Variants in STX7 observed in about 807,000 individuals in gnomAD.
STX7 encodes syntaxin-7.
In STX7, 34 loss-of-function variants were observed where a neutral mutation model predicts 39.6. The ratio of observed to expected loss-of-function variants is 0.86; its 90% CI spans 0.65 to 1.14. The LOEUF (loss-of-function observed/expected upper bound fraction) is 1.14. STX7 is among the 50% of genes most tolerant of loss of function. The pLI is 0.00. For synonymous variants in STX7, 119 were observed against 99.1 expected (o/e 1.20, Z -1.19); for missense variants, 284 against 310.4 (o/e 0.92, Z 0.64).
chr6:132,460,580 A>G lies in STX7; in HGVS notation c.*178T>C, dbSNP rs1774365530. 2.3e-6 allele frequency: 1 copy of G among 444,314 alleles called. No individual in the cohort carries two copies. The highest frequency in any genetic ancestry group is 3.9e-6 in the Non-Finnish European group (1 of 254,538). The allele number at this position is 444,314 out of a possible 1,614,324, so 27.5% of individuals were successfully genotyped here. A position where few individuals can be genotyped will look rare whatever the true frequency, so the allele number is the denominator to read the frequency against. On this transcript the variant is annotated 3_prime_UTR_variant, in exon 10 of 10. Coordinates refer to ENST00000367941, the MANE Select transcript of STX7 (RefSeq NM_003569.3). Reference sequence around the variant, plus strand: ...AGTGACATTTAGAAAATCTTTCAGTATTAGAAAATATCAGATTTAATCCAA... The same window carrying G: ...AGTGACATTTAGAAAATCTTTCAGTGTTAGAAAATATCAGATTTAATCCAA...
intron 6 of STX7, 116 bp downstream of exon 6, chr6:132,470,458 C>CA: frequency 1.5e-6 from 1 of 652,680 alleles, no homozygotes; most frequent in Non-Finnish European, 2.4e-6. Flanking sequence ...AACATATAAA[C>CA]AACTTAGGAT....
chr6:132,505,739 T>TAAAAAAAAA (rs368964430), intron 1 of STX7, among the ~76,000 whole-genome samples: 4 of 60,410 alleles, frequency 6.6e-5, no homozygotes, highest in African/African-American at 1.3e-4. Flanking sequence ...CCAAGTCACT[T>TAAAAAAAAA]AAAAAAAAAA....
chr6:132,501,299 CT>C (rs1299347563), intron 2 of STX7, among the ~76,000 whole-genome samples: 4 of 152,130 alleles, frequency 2.6e-5, no homozygotes, highest in African/African-American at 9.7e-5. Flanking sequence ...CGTGATCTGC[CT>C]GCCTCGGCCT....
intron 3 of STX7, among the ~76,000 whole-genome samples, chr6:132,473,377 T>C (rs1314092737): frequency 6.6e-6 from 1 of 152,148 alleles, no homozygotes; most frequent in Admixed American, 6.6e-5. Flanking sequence ...TAAAAAGGTA[T>C]AGCATTTGCA....
In STX7 at chr6:132,455,662, C is replaced by T. The variant is rs1386278537; in HGVS notation, c.*5096G>A. ...AGTGACCAACCTCTTAAAAACTTGCCAGAAGCTACAGTGTCTACAAAAACC... is the reference window on the plus strand; with the variant it reads ...AGTGACCAACCTCTTAAAAACTTGCTAGAAGCTACAGTGTCTACAAAAACC... On this transcript the variant is annotated 3_prime_UTR_variant, in exon 10 of 10. Coordinates refer to ENST00000367941, the MANE Select transcript of STX7 (RefSeq NM_003569.3). 1 of 152,128 alleles carries T rather than the reference C, an allele frequency of 6.6e-6. No homozygotes were observed. The allele number at this position is 152,128 out of a possible 1,614,324, so 9.4% of individuals were successfully genotyped here. A position where few individuals can be genotyped will look rare whatever the true frequency, so the allele number is the denominator to read the frequency against.
rs1774162872 is a variant in STX7, at chr6:132,452,897, G to A, written c.*7861C>T. 1 of 152,048 alleles carries A rather than the reference G, an allele frequency of 6.6e-6. No homozygotes were observed. The highest frequency in any genetic ancestry group is 6.6e-5 in the Admixed American group (1 of 15,260). 9.4% of individuals were successfully genotyped at this position (152,048 alleles called of 1,614,324 possible). On this transcript the variant is annotated 3_prime_UTR_variant, in exon 10 of 10. Coordinates refer to ENST00000367941, the MANE Select transcript of STX7 (RefSeq NM_003569.3). ...CAAGATTATTCCAAAGTTTATACGGGAAGACAAAGGAACTAAGTGGCTAAA... is the reference window on the plus strand; with the variant it reads ...CAAGATTATTCCAAAGTTTATACGGAAAGACAAAGGAACTAAGTGGCTAAA...
intron 3 of STX7, among the ~76,000 whole-genome samples, chr6:132,473,517 G>GTTTTTTTTTTTTTTTTTTTTTTT (rs752590497): frequency 2.4e-5 from 3 of 125,782 alleles, no homozygotes; most frequent in Admixed American, 7.9e-5. Context: ...TTATTATTGT[G>GTTTTTTTTTTTTTTTTTTTTTTT]TTGTTTTTTT....
chr6:132,479,923 A>G (rs1053040009), intron 2 of STX7, among the ~76,000 whole-genome samples: 1 of 152,226 alleles, frequency 6.6e-6, no homozygotes, highest in African/African-American at 2.4e-5. Flanking sequence ...AAAAATAAAA[A>G]GTAAACTAGT....
rs1774194518 is a variant in STX7 at position 132,454,048 on chromosome 6, A to G, written c.*6710T>C. ...TGTCTCTCAGCAGGTGAACAGTTAA[A>G]CAAACTGTGGTACATCTATACTATG... On this transcript the variant is annotated 3_prime_UTR_variant, in exon 10 of 10. Transcript: ENST00000367941. 1 of 150,432 alleles carries G rather than the reference A, an allele frequency of 6.6e-6. No homozygotes were observed. The highest frequency in any genetic ancestry group is 1.5e-5 in the Non-Finnish European group (1 of 67,272). The allele number at this position is 150,432 out of a possible 1,614,324, so 9.3% of individuals were successfully genotyped here.
chr6:132,507,168 T>C (rs1432051867), intron 1 of STX7, among the ~76,000 whole-genome samples: 3 of 152,100 alleles, frequency 2.0e-5, no homozygotes, highest in Non-Finnish European at 4.4e-5. Context: ...GGGTGAGGGA[T>C]GAGAAATTAC....
chr6:132,474,544 T>C (rs1282246982), intron 3 of STX7, among the ~76,000 whole-genome samples: 1 of 152,162 alleles, frequency 6.6e-6, no homozygotes, highest in Non-Finnish European at 1.5e-5. Context: ...TAGTTAATGT[T>C]GTTTAGAAGT....
rs144929397 is a variant in STX7 at position 132,464,316 on chromosome 6, A to G, written c.611-241T>C. 1.5e-3 allele frequency among the ~76,000 whole-genome samples: 221 copies of G among 152,322 alleles called. 1 individual carries two copies. The highest frequency in any genetic ancestry group is 3.4e-3 in the Middle Eastern group (1 of 294). Reference sequence around the variant, plus strand: ...GTATAACAGAACCTTAATCATCTTCATTACAGAGCAACTCCAGCTCTACCT... The same window carrying G: ...GTATAACAGAACCTTAATCATCTTCGTTACAGAGCAACTCCAGCTCTACCT... On this transcript the variant is annotated intron_variant, in intron 8 of 9. Transcript: ENST00000367941.
intron 5 of STX7, 95 bp from the exon 6 acceptor site, chr6:132,470,721 A>T (rs1774692578): frequency 1.2e-6 from 1 of 821,300 alleles, no homozygotes; most frequent in Admixed American, 1.9e-5. Flanking sequence ...AATAAACTAA[A>T]CTGATTTATG....
intron 8 of STX7, among the ~76,000 whole-genome samples, chr6:132,467,964 G>A (rs1467801949): frequency 1.3e-5 from 2 of 152,178 alleles, no homozygotes; most frequent in Admixed American, 6.5e-5. Flanking sequence ...CTATTAAAAT[G>A]AATGATTAGG....
chr6:132,479,695 T>C (rs886777296), intron 2 of STX7, among the ~76,000 whole-genome samples: 2 of 152,310 alleles, frequency 1.3e-5, no homozygotes, highest in Middle Eastern at 3.4e-3. Flanking sequence ...TTACTCAGAC[T>C]GACATGACCA....
intron 4 of STX7, 73 bp downstream of exon 4, chr6:132,472,209 G>A (rs1186209273): frequency 1.8e-6 from 2 of 1,141,206 alleles, no homozygotes; most frequent in Non-Finnish European, 2.5e-6. Context: ...TAGCGTAACA[G>A]TTCAAAGATC....
At chr6:132,491,166 G>A (rs1324892812) in intron 2 of STX7, among the ~76,000 whole-genome samples, 1 of 151,936 alleles carries the variant, frequency 6.6e-6, no homozygotes, top group East Asian at 1.9e-4. Flanking sequence ...ATTTTAAAAT[G>A]TGGAAAAGAA....
intron 2 of STX7, among the ~76,000 whole-genome samples, chr6:132,486,769 G>A (rs546175924): frequency 4.7e-5 from 7 of 150,332 alleles, no homozygotes; most frequent in African/African-American, 1.5e-4. Flanking sequence ...CAGTTCAAGC[G>A]ATTCTCCTGC....
intron 1 of STX7, among the ~76,000 whole-genome samples, chr6:132,511,322 C>T (rs965100620): frequency 6.6e-6 from 1 of 152,130 alleles, no homozygotes; most frequent in Non-Finnish European, 1.5e-5. Context: ...CTAGAAGGCT[C>T]TTCCCATGAT....
Sources: allele counts gnomAD v4.1 joint callset (sites outside exome capture counted in the v4.1 genomes callset), GRCh38; gene constraint gnomAD v4.1.1; transcripts MANE v1.5; gene names NCBI Gene and HGNC (gene_info 2026-07-23, HGNC 2026-07-21).